The following SMURF1 variants were observed in gnomAD, a reference collection of about 807,000 sequenced individuals.
SMURF1 encodes the protein E3 ubiquitin-protein ligase SMURF1.
A neutral mutation model predicts 98.0 loss-of-function variants in SMURF1; 44 were observed. That is an observed-to-expected ratio of 0.45 (90% CI 0.35 to 0.58). SMURF1 has a LOEUF of 0.58. SMURF1 is among the 20% of genes least tolerant of loss of function. SMURF1 has a pLI of 0.00. For synonymous variants in SMURF1, 396 were observed against 374.9 expected (o/e 1.06, Z -0.65); for missense variants, 687 against 938.4 (o/e 0.73, Z 3.50).
rs1056964716 is a variant in SMURF1 at position 99,027,511 on chromosome 7, CTGTT to C, written c.*3069_*3072del. On this transcript the variant is annotated 3_prime_UTR_variant, in exon 18 of 18. Transcript: ENST00000361368. ...CTGGGCCCAGCCTGCTGTACAATCA[CTGTT>C]TGTTTTGTGTTTCCAGCTGGTTCCA... The C allele has an allele frequency of 9.2e-5, 14 of 152,750 alleles. No homozygotes were observed. The highest frequency in any genetic ancestry group is 3.3e-4 in the Admixed American group (5 of 15,302). The allele number at this position is 152,750 out of a possible 1,614,324, so 9.5% of individuals were successfully genotyped here.
chr7:99,108,384 C>G (rs368489005), intron 1 of SMURF1, among the ~76,000 whole-genome samples: 1 of 151,578 alleles, frequency 6.6e-6, no homozygotes, highest in South Asian at 2.1e-4. Context: ...CCGAGGCGGG[C>G]AGATTACCTA....
chr7:99,052,222 TC>T lies in SMURF1; in HGVS notation c.703del (p.Glu235AsnfsTer40). The T allele has an allele frequency of 6.3e-7, 1 of 1,578,584 alleles. No homozygotes were observed. The highest frequency in any genetic ancestry group is 8.6e-7 in the Non-Finnish European group (1 of 1,158,790). On this transcript the variant is annotated frameshift_variant, in exon 7 of 18. Coordinates refer to ENST00000361368, the MANE Select transcript of SMURF1 (RefSeq NM_181349.3). LOFTEE classifies it high-confidence loss of function. ...TCTCTCACCGTAGCCTTCGGGCAGT[TC>T]CGGGGACTGGTGGCCGTGTGGTCGG... is the stretch of plus-strand genomic sequence containing the variant. ...QNRPHGHQSP[E>X]LPEGYEQRTT...
rs1195287393 is a variant in SMURF1 at position 99,121,244 on chromosome 7, AAAAT to A, written c.55+22478_55+22481del. 1.3e-3 allele frequency: 173 copies of A among 134,936 alleles called. 1 individual carries two copies. In the East Asian group the frequency reaches 0.035, roughly 28 times the overall value. The allele number at this position is 134,936 out of a possible 1,614,324, so 8.4% of individuals were successfully genotyped here. A position where few individuals can be genotyped will look rare whatever the true frequency, so the allele number is the denominator to read the frequency against. On this transcript the variant is annotated intron_variant, in intron 1 of 17. Transcript: ENST00000361368. The stretch of plus-strand genomic sequence containing the variant: ...TCAAAGCAAAAAAAAAAAAAAAAAA[AAAAT>A]AGTGTGAGTTGAGATTAATGACAAT...
At position 99,029,643 on chromosome 7, in the gene SMURF1, A is replaced by AT. The variant is rs1295988032; in HGVS notation, c.*940dup. 1 of 152,210 alleles carries AT rather than the reference A, an allele frequency of 6.6e-6. No individual in the cohort carries two copies. Among genetic ancestry groups the AT allele is most frequent in the Non-Finnish European group, 1.5e-5 (1 of 68,048 alleles). 9.4% of individuals were successfully genotyped at this position (152,210 alleles called of 1,614,324 possible). A position where few individuals can be genotyped will look rare whatever the true frequency, so the allele number is the denominator to read the frequency against. The stretch of plus-strand genomic sequence containing the variant: ...CCAAGCCAGCAGCTATGATGACACA[A>AT]TTTTGTTAGTTTAGCTCTTAGCAGT... On this transcript the variant is annotated 3_prime_UTR_variant, in exon 18 of 18. Coordinates refer to ENST00000361368, the MANE Select transcript of SMURF1 (RefSeq NM_181349.3).
intron 16 of SMURF1, among the ~76,000 whole-genome samples, chr7:99,033,404 G>C (rs1165614780): frequency 6.6e-6 from 1 of 152,178 alleles, no homozygotes; most frequent in African/African-American, 2.4e-5. Flanking sequence ...TCTGACTGCC[G>C]GGTTCAAGCA....
chr7:99,044,085 G>T (rs1333519159), intron 11 of SMURF1, among the ~76,000 whole-genome samples: 1 of 152,198 alleles, frequency 6.6e-6, no homozygotes, highest in Admixed American at 6.5e-5. Flanking sequence ...GCCAAGGCGG[G>T]AGGATCACCT....
intron 12 of SMURF1, 84 bp from the exon 13 acceptor site, chr7:99,040,640 GAA>G (rs3842157): frequency 2.5e-5 from 32 of 1,292,580 alleles, no homozygotes; most frequent in East Asian, 2.3e-4. Context: ...AGCTTCTTGG[GAA>G]AAGTGTCCCA....
chr7:99,131,519 G>A (rs1797871434), intron 1 of SMURF1, among the ~76,000 whole-genome samples: 1 of 152,174 alleles, frequency 6.6e-6, no homozygotes, highest in East Asian at 1.9e-4. Flanking sequence ...CAAGATGGGA[G>A]GATCGCTTGA....
chr7:99,059,833 A>G (rs572973669), intron 3 of SMURF1, among the ~76,000 whole-genome samples: 353 of 151,136 alleles, frequency 2.3e-3, no homozygotes, highest in South Asian at 1.5e-3. Context: ...ACTTGAATCC[A>G]GGAGGTGGAG....
chr7:99,102,096 G>C (rs1040519656), intron 1 of SMURF1, among the ~76,000 whole-genome samples: 2 of 151,028 alleles, frequency 1.3e-5, no homozygotes, highest in Non-Finnish European at 2.9e-5. Context: ...CTTTTATATG[G>C]GCATACTAGG....
At chr7:99,099,959 C>T (rs1797037817) in intron 1 of SMURF1, among the ~76,000 whole-genome samples, 1 of 152,166 alleles carries the variant, frequency 6.6e-6, no homozygotes, top group South Asian at 2.1e-4. Context: ...GATACAGCAA[C>T]TCTAAACGAA....
chr7:99,140,754 A>T (rs541222748), intron 1 of SMURF1, among the ~76,000 whole-genome samples: 1 of 151,364 alleles, frequency 6.6e-6, no homozygotes, highest in South Asian at 2.1e-4. Context: ...CTCTGTGTCT[A>T]TTCATTGACT....
At chr7:99,073,147 G>T (rs1796366276) in intron 1 of SMURF1, among the ~76,000 whole-genome samples, 1 of 152,114 alleles carries the variant, frequency 6.6e-6, no homozygotes, top group African/African-American at 2.4e-5. Flanking sequence ...GGAGGCCGAG[G>T]CGGGTGGATC....
At chr7:99,059,862 C>T (rs544917714) in intron 3 of SMURF1, among the ~76,000 whole-genome samples, 2 of 150,798 alleles carry the variant, frequency 1.3e-5, no homozygotes, top group Admixed American at 6.6e-5. Flanking sequence ...GAGCCGAGAT[C>T]GCGCCACTGC....
chr7:99,118,474 G>A (rs1797512609), intron 1 of SMURF1, among the ~76,000 whole-genome samples: 2 of 152,266 alleles, frequency 1.3e-5, no homozygotes, highest in East Asian at 1.9e-4. Flanking sequence ...AAGGAATGAA[G>A]TATTGATACA....
Position 99,060,622 on chromosome 7 carries a change from T to G in SMURF1, c.180A>C (p.Pro60=), listed in dbSNP as rs1286952928. Residue 60 remains proline (P), a synonymous_variant, in exon 3 of 18, where the codon CCA becomes CCC. Transcript: ENST00000361368. Reference sequence around the variant, plus strand: ...ACAGATCATAGTGCTGGTTCCACTTTGGGTCCAATGTGTTTTTCACAGTGT... The same window carrying G: ...ACAGATCATAGTGCTGGTTCCACTTGGGGTCCAATGTGTTTTTCACAGTGT... ...STDTVKNTLD[P]KWNQHYDLYV... 1.2e-6 allele frequency: 2 copies of G among 1,613,928 alleles called. No individual in the cohort carries two copies. Among genetic ancestry groups the G allele is most frequent in the Admixed American group, 3.3e-5 (2 of 59,992 alleles).
intron 1 of SMURF1, among the ~76,000 whole-genome samples, chr7:99,090,605 A>C (rs1796786646): frequency 6.6e-6 from 1 of 152,190 alleles, no homozygotes; most frequent in Non-Finnish European, 1.5e-5. Flanking sequence ...CTGAAATATT[A>C]AATCCCCCCA....
intron 1 of SMURF1, among the ~76,000 whole-genome samples, chr7:99,092,115 G>T (rs1186335618): frequency 6.6e-6 from 1 of 152,192 alleles, no homozygotes; most frequent in East Asian, 1.9e-4. Context: ...AATGATATAG[G>T]TATCAAATAA....
chr7:99,134,683 A>G (rs1797947689), intron 1 of SMURF1, among the ~76,000 whole-genome samples: 1 of 152,180 alleles, frequency 6.6e-6, no homozygotes, highest in Non-Finnish European at 1.5e-5. Flanking sequence ...AAAATACTAA[A>G]TTATTATTAC....
Sources: allele counts gnomAD v4.1 joint callset (sites outside exome capture counted in the v4.1 genomes callset), GRCh38; gene constraint gnomAD v4.1.1; transcripts MANE v1.5; gene names NCBI Gene and HGNC (gene_info 2026-07-23, HGNC 2026-07-21).